The following LEPR variants were observed in gnomAD, a reference collection of about 807,000 sequenced individuals.
LEPR encodes the protein OB receptor.
LEPR carries 56 observed loss-of-function variants against 114.7 expected under a neutral mutation model. The observed-to-expected ratio is 0.49, with a 90% CI of 0.39 to 0.61. LEPR has a LOEUF of 0.61. LEPR is among the 20% of genes least tolerant of loss of function. LEPR has a pLI of 0.00. For synonymous variants in LEPR, 443 were observed against 461.4 expected (o/e 0.96, Z 0.51); for missense variants, 1,202 against 1,352.9 (o/e 0.89, Z 1.75).
chr1:65,629,491 G>A (rs762093500), intron 19 of LEPR: 5 of 197,156 alleles, frequency 2.5e-5, no homozygotes, highest in Middle Eastern at 1.9e-3. Flanking sequence ...CAGTGGTTCC[G>A]ATGTCAAAGG....
chr1:65,485,614 C>T (rs577441563), intron 2 of LEPR, among the ~76,000 whole-genome samples: 1 of 151,230 alleles, frequency 6.6e-6, no homozygotes, highest in Non-Finnish European at 1.5e-5. Flanking sequence ...CACACAAACT[C>T]TCTCTCTCTC....
intron 2 of LEPR, among the ~76,000 whole-genome samples, chr1:65,484,467 C>CA (rs1647373697): frequency 1.3e-5 from 2 of 152,006 alleles, no homozygotes; most frequent in South Asian, 4.1e-4. Flanking sequence ...TCAGTGTTGT[C>CA]ACACGTCCAA....
intron 3 of LEPR, 24 bp from the exon 4 acceptor site, chr1:65,570,449 T>G: frequency 6.2e-7 from 1 of 1,605,782 alleles, no homozygotes; most frequent in Non-Finnish European, 8.5e-7. Flanking sequence ...CTTTTTTCTA[T>G]GTGTCTTTTT....
At chr1:65,457,331 A>G (rs763093824) in intron 2 of LEPR, among the ~76,000 whole-genome samples, 3 of 152,142 alleles carry the variant, frequency 2.0e-5, no homozygotes, top group East Asian at 3.9e-4. Context: ...CATATTATGC[A>G]TATGTTTATA....
rs201494009 is a variant in LEPR at position 65,570,709 on chromosome 1, A to G, written c.277A>G (p.Ser93Gly). ...AACAACTTTCCACTGTTGCTTTCGG[A>G]GTGAGCAAGATAGAAACTGCTCCTT... ...SKTTFHCCFRSEQDRNCSLCA... is the reference protein window; with the variant it reads ...SKTTFHCCFRGEQDRNCSLCA... The change falls in exon 4 of 20, where the codon AGT becomes GGT. Residue 93 changes from serine to glycine, a missense_variant. Coordinates refer to ENST00000349533, the MANE Select transcript of LEPR (RefSeq NM_002303.6). The G allele has an allele frequency of 6.8e-6, 11 of 1,613,512 alleles. No homozygotes were observed. Among genetic ancestry groups the G allele is most frequent in the Non-Finnish European group, 9.3e-6 (11 of 1,179,552 alleles).
At chr1:65,529,252 G>T (rs1650205754) in intron 2 of LEPR, among the ~76,000 whole-genome samples, 1 of 152,038 alleles carries the variant, frequency 6.6e-6, no homozygotes, top group Non-Finnish European at 1.5e-5. Context: ...TGGGCATGGT[G>T]CCTCACGCCT....
chr1:65,458,024 A>C (rs535412592), intron 2 of LEPR, among the ~76,000 whole-genome samples: 1 of 152,204 alleles, frequency 6.6e-6, no homozygotes, highest in Admixed American at 6.5e-5. Context: ...TAAAACTTAC[A>C]TGGCAAGCAA....
At chr1:65,484,446 T>G (rs1370233271) in intron 2 of LEPR, among the ~76,000 whole-genome samples, 1 of 152,182 alleles carries the variant, frequency 6.6e-6, no homozygotes, top group East Asian at 1.9e-4. Context: ...AACTAATGAT[T>G]TGCTTTCAAG....
chr1:65,525,615 C>T (rs1649892587), intron 2 of LEPR: 1 of 985,802 alleles, frequency 1.0e-6, no homozygotes, highest in African/African-American at 1.7e-5. Context: ...TTCTCCCCAC[C>T]CCAGCCTGCT....
At chr1:65,547,773 A>G (rs1467049075) in intron 2 of LEPR, among the ~76,000 whole-genome samples, 10 of 119,046 alleles carry the variant, frequency 8.4e-5, no homozygotes, top group Non-Finnish European at 1.1e-4. Context: ...TGGATTCATT[A>G]ATTTTTTGAA....
chr1:65,428,192 T>C (rs546763246), intron 2 of LEPR, among the ~76,000 whole-genome samples: 1 of 152,332 alleles, frequency 6.6e-6, no homozygotes, highest in East Asian at 1.9e-4. Context: ...ATTGTATATA[T>C]TTAATATTTA....
At chr1:65,617,460 G>A (rs1657598906) in intron 15 of LEPR, among the ~76,000 whole-genome samples, 1 of 152,240 alleles carries the variant, frequency 6.6e-6, no homozygotes, top group Non-Finnish European at 1.5e-5. Context: ...GATAGAAAAT[G>A]AAGAAAGACC....
chr1:65,640,387 G>T lies in LEPR; in HGVS notation c.*3372G>T, dbSNP rs1451099710. 6.6e-6 allele frequency: 1 copy of T among 152,148 alleles called. No individual in the cohort carries two copies. The highest frequency in any genetic ancestry group is 6.5e-5 in the Admixed American group (1 of 15,278). 9.4% of individuals were successfully genotyped at this position (152,148 alleles called of 1,614,324 possible). On this transcript the variant is annotated 3_prime_UTR_variant, in exon 20 of 20. Transcript: ENST00000349533. ...CTTTTCATCTTTCAAGGGTCATCTT[G>T]ATAGTTACCTTAACAAACCTTTCTC...
intron 11 of LEPR, among the ~76,000 whole-genome samples, chr1:65,608,074 T>C (rs1456595886): frequency 6.6e-6 from 1 of 151,864 alleles, no homozygotes; most frequent in Non-Finnish European, 1.5e-5. Flanking sequence ...TCTCTGACCT[T>C]GACCTAGAAA....
chr1:65,556,657 G>A (rs1201663139), intron 2 of LEPR, among the ~76,000 whole-genome samples: 1 of 152,122 alleles, frequency 6.6e-6, no homozygotes, highest in East Asian at 1.9e-4. Flanking sequence ...GCTGTATCTG[G>A]ATGATAGGAG....
chr1:65,578,693 G>T (rs774875945), intron 5 of LEPR, among the ~76,000 whole-genome samples: 5 of 152,156 alleles, frequency 3.3e-5, no homozygotes, highest in Non-Finnish European at 5.9e-5. Context: ...TATTGTGGAA[G>T]CTAAATATAA....
intron 18 of LEPR, 85 bp downstream of exon 18, chr1:65,621,543 T>C (rs1657888479): frequency 1.7e-6 from 2 of 1,147,858 alleles, no homozygotes; most frequent in Admixed American, 1.9e-5. Context: ...AAATTAGGAA[T>C]ATTAAAGTCT....
chr1:65,533,600 T>A (rs567126429), intron 2 of LEPR, among the ~76,000 whole-genome samples: 1 of 152,300 alleles, frequency 6.6e-6, no homozygotes, highest in Admixed American at 6.5e-5. Context: ...GCACATTAAT[T>A]TTCAGCCTTT....
At chr1:65,442,119 A>T (rs540846342) in intron 2 of LEPR, among the ~76,000 whole-genome samples, 1 of 152,332 alleles carries the variant, frequency 6.6e-6, no homozygotes, top group Admixed American at 6.5e-5. Context: ...CAAATGCCTC[A>T]GAAATATTTG....
Sources: gnomAD v4.1 joint callset for allele counts (sites outside exome capture counted in the v4.1 genomes callset) on GRCh38, gnomAD v4.1.1 for gene constraint, MANE v1.5 for transcripts, NCBI Gene and HGNC (gene_info 2026-07-23, HGNC 2026-07-21) for gene names.